IQCE: variants seen among roughly 807,000 people sequenced by gnomAD.
IQCE encodes IQ motif containing E, also known as IQ domain-containing protein E.
IQCE carries 115 observed loss-of-function variants against 96.0 expected under a neutral mutation model. The ratio of observed to expected loss-of-function variants is 1.20; its 90% CI spans 1.03 to 1.40. The LOEUF is 1.40. IQCE is among the 40% of genes most tolerant of loss of function. The pLI is 0.00. For missense variants in IQCE, 1,041 were observed against 909.1 expected (o/e 1.15, Z -1.87); for synonymous variants, 412 against 371.2 (o/e 1.11, Z -1.26).
rs748861055 is a variant in IQCE, at chr7:2,598,559, C to T, written c.1535C>T (p.Ser512Phe). 2.5e-6 allele frequency: 4 copies of T among 1,610,794 alleles called. No homozygotes were observed. In the South Asian group the frequency reaches 4.4e-5, roughly 18 times the overall value. Reference sequence around the variant, plus strand: ...GAGGAGGGGCTCCCGCGGCCCCGCTCCCCCTGCTCTGATGGGAGAAGAGAC... The same window carrying T: ...GAGGAGGGGCTCCCGCGGCCCCGCTTCCCCTGCTCTGATGGGAGAAGAGAC... ...SSEEGLPRPR[S>F]PCSDGRRDAA... is the part of the protein sequence containing the mutation. The change falls in exon 17 of 22, where the codon TCC (serine) becomes TTC (phenylalanine). Residue 512 changes from serine (S) to phenylalanine (F), a missense_variant. Transcript: ENST00000402050.
rs141694121 is a variant in IQCE at position 2,578,265 on chromosome 7, C to T, written c.489C>T (p.Asp163=). The part of the protein sequence containing the change: ...LKKSLHVQKS[D]VDLMRTKLRR... ...AGTCATTGCACGTGCAGAAGAGCGA[C>T]GTGGACCTGATGAGAACGAAGCTCC... is the stretch of plus-strand genomic sequence containing the variant. Residue 163 remains aspartate, a synonymous_variant, in exon 7 of 22, where the codon GAC becomes GAT. Coordinates refer to ENST00000402050, the MANE Select transcript of IQCE (RefSeq NM_152558.5). The T allele has an allele frequency of 2.5e-6, 4 of 1,613,826 alleles. No homozygotes were observed. The highest frequency in any genetic ancestry group is 2.2e-5 in the South Asian group (2 of 91,078).
chr7:2,603,054 C>T (rs1784542914), intron 18 of IQCE, among the ~76,000 whole-genome samples: 1 of 152,198 alleles, frequency 6.6e-6, no homozygotes, highest in Non-Finnish European at 1.5e-5. Flanking sequence ...GTCCCTAGAC[C>T]TGCCCCACAG....
chr7:2,568,802 T>C, intron 2 of IQCE, 152 bp from the exon 3 acceptor site: 1 of 666,010 alleles, frequency 1.5e-6, no homozygotes, highest in Middle Eastern at 3.7e-4. Context: ...GGGCCCTGCG[T>C]GTCCTGTTCC....
rs1005819110 is a variant in IQCE, at chr7:2,613,844, C to A, written c.*3682C>A. 6.6e-6 allele frequency: 1 copy of A among 152,216 alleles called. No individual in the cohort carries two copies. Among genetic ancestry groups the A allele is most frequent in the African/African-American group, 2.4e-5 (1 of 41,448 alleles). 9.4% of individuals were successfully genotyped at this position (152,216 alleles called of 1,614,324 possible). A position where few individuals can be genotyped will look rare whatever the true frequency, so the allele number is the denominator to read the frequency against. On this transcript the variant is annotated 3_prime_UTR_variant, in exon 22 of 22. Transcript: ENST00000402050. ...GAAGAGGTGGAAGGGCCAGAGAAGA[C>A]CACCAAGACCACCGTTCCCGCAGGC...
chr7:2,560,527 C>T (rs1780867581), intron 1 of IQCE, among the ~76,000 whole-genome samples: 1 of 152,242 alleles, frequency 6.6e-6, no homozygotes, highest in Non-Finnish European at 1.5e-5. Context: ...CAGGGCACCA[C>T]GTCCTGTCTC....
chr7:2,607,041 A>G, intron 20 of IQCE, 83 bp from the exon 21 acceptor site: 1 of 1,308,936 alleles, frequency 7.6e-7, no homozygotes, highest in Non-Finnish European at 1.0e-6. Flanking sequence ...GCCTCCAAGC[A>G]AATTACTGAG....
chr7:2,573,793 G>A (rs1312221091), intron 6 of IQCE, among the ~76,000 whole-genome samples: 1 of 152,142 alleles, frequency 6.6e-6, no homozygotes, highest in East Asian at 1.9e-4. Flanking sequence ...CTGAGATTGG[G>A]TACTGTGATA....
At chr7:2,588,483 A>G (rs1467817518) in intron 13 of IQCE, among the ~76,000 whole-genome samples, 1 of 150,420 alleles carries the variant, frequency 6.6e-6, no homozygotes, top group Non-Finnish European at 1.5e-5. Context: ...CCTCCCCAGT[A>G]GCTGGGACTA....
At chr7:2,583,186 A>C (rs1172429772) in intron 9 of IQCE, among the ~76,000 whole-genome samples, 1 of 152,118 alleles carries the variant, frequency 6.6e-6, no homozygotes. Context: ...TTCTCTATCG[A>C]TGTGTCTATC....
chr7:2,580,293 C>CAAAAAA (rs71810561), intron 8 of IQCE: 1 of 126,780 alleles, frequency 7.9e-6, no homozygotes, highest in Non-Finnish European at 1.7e-5. Context: ...AGAGCATAGC[C>CAAAAAA]AAAAAAAAAA....
At chr7:2,594,819 T>G in intron 15 of IQCE, 67 bp from the exon 16 acceptor site, 4 of 671,736 alleles carry the variant, frequency 6.0e-6, no homozygotes, top group Non-Finnish European at 8.0e-6. Flanking sequence ...CGCCCCACCC[T>G]GCCCTGTGCC....
chr7:2,597,208 G>C (rs2128465398), intron 16 of IQCE: 1 of 452,804 alleles, frequency 2.2e-6, no homozygotes, highest in East Asian at 7.1e-5. Flanking sequence ...CCACAGGGTG[G>C]TCTTCAGCTG....
chr7:2,594,210 A>C (rs553216188), intron 15 of IQCE, among the ~76,000 whole-genome samples: 1 of 152,220 alleles, frequency 6.6e-6, no homozygotes, highest in Non-Finnish European at 1.5e-5. Context: ...CAGTGAGCAG[A>C]GAGCATGCCA....
chr7:2,584,892 A>G (rs1234236137), intron 11 of IQCE, among the ~76,000 whole-genome samples: 1 of 152,140 alleles, frequency 6.6e-6, no homozygotes, highest in Non-Finnish European at 1.5e-5. Flanking sequence ...GTCGATTCTC[A>G]TTATTCAGTT....
At chr7:2,583,143 T>A (rs1213172062) in intron 9 of IQCE, among the ~76,000 whole-genome samples, 1 of 152,220 alleles carries the variant, frequency 6.6e-6, no homozygotes, top group Non-Finnish European at 1.5e-5. Context: ...TTTGTCTTAT[T>A]TCAGTGCAGA....
intron 8 of IQCE, among the ~76,000 whole-genome samples, chr7:2,581,580 C>T (rs550667192): frequency 9.2e-5 from 14 of 152,020 alleles, no homozygotes; most frequent in Admixed American, 2.0e-4. Flanking sequence ...GTGGCTCACA[C>T]GTATAATCCT....
chr7:2,564,117 C>A (rs1781185529), intron 1 of IQCE, among the ~76,000 whole-genome samples: 1 of 152,004 alleles, frequency 6.6e-6, no homozygotes, highest in South Asian at 2.1e-4. Flanking sequence ...GAGGCTGAGG[C>A]AGGAGAATTG....
intron 17 of IQCE, among the ~76,000 whole-genome samples, chr7:2,600,663 G>A (rs150531429): frequency 1.4e-4 from 22 of 152,268 alleles, no homozygotes; most frequent in Admixed American, 1.1e-3. Flanking sequence ...TGCTTCCATC[G>A]TATATTCTGC....
intron 1 of IQCE, among the ~76,000 whole-genome samples, chr7:2,561,411 T>C (rs1277937932): frequency 6.6e-6 from 1 of 151,868 alleles, no homozygotes; most frequent in Non-Finnish European, 1.5e-5. Flanking sequence ...TTACTGCTAA[T>C]ATATACAATA....
Sources: gnomAD v4.1 joint callset for allele counts (sites outside exome capture counted in the v4.1 genomes callset) on GRCh38, gnomAD v4.1.1 for gene constraint, MANE v1.5 for transcripts, NCBI Gene and HGNC (gene_info 2026-07-23, HGNC 2026-07-21) for gene names.